NIBAN3: variants seen among roughly 807,000 people sequenced by gnomAD.
The protein encoded by NIBAN3 is niban apoptosis regulator 3, also known as protein Niban 3.
A neutral mutation model predicts 76.4 loss-of-function variants in NIBAN3; 66 were observed. The ratio of observed to expected loss-of-function variants is 0.86; its 90% CI spans 0.71 to 1.06. NIBAN3 has a LOEUF of 1.06. Among genes scored for constraint, NIBAN3 ranks in the 50% least tolerant of loss-of-function variants. The pLI is 0.00. For missense variants in NIBAN3, 808 were observed against 810.7 expected (o/e 1.00, Z 0.04); for synonymous variants, 360 against 355.2 (o/e 1.01, Z -0.15).
rs146817680 is a variant in NIBAN3, at chr19:17,532,518, C to T, written c.312+130C>T. On this transcript the variant is annotated intron_variant, in intron 3 of 14. Coordinates refer to ENST00000599164, the MANE Select transcript of NIBAN3 (RefSeq NM_001321827.2). ...CAATCACCCAGGATGAATCTTGTGC[C>T]CCTATGTGTTTGGCCTGTTGTAGGC... 6,979 of 1,455,028 alleles carry T rather than the reference C, an allele frequency of 4.8e-3. 28 individuals are homozygous for T. Among genetic ancestry groups the T allele is most frequent in the Admixed American group, 6.4e-3 (373 of 58,620 alleles). The allele number at this position is 1,455,028 out of a possible 1,614,324, so 90.1% of individuals were successfully genotyped here. A position where few individuals can be genotyped will look rare whatever the true frequency, so the allele number is the denominator to read the frequency against.
chr19:17,539,062 A>T (rs1180224140), intron 5 of NIBAN3, 88 bp from the exon 6 acceptor site: 1 of 1,145,408 alleles, frequency 8.7e-7, no homozygotes, highest in East Asian at 2.6e-5. Context: ...GGTGTTGGGG[A>T]CCTGGCCAGG....
intron 14 of NIBAN3, chr19:17,549,909 C>T (rs2076127607): frequency 2.5e-6 from 1 of 399,670 alleles, no homozygotes; most frequent in Non-Finnish European, 4.4e-6. Context: ...CTCCTCCTCC[C>T]AGGTTCAAGT....
At chr19:17,527,236 C>A, upstream of NIBAN3, 1 of 1,549,066 alleles carries the variant, frequency 6.5e-7, no homozygotes, top group Non-Finnish European at 8.7e-7. Context: ...GCCTCTGAAC[C>A]CACTGTGACC....
upstream of NIBAN3, chr19:17,523,590 CCCCACA>C: frequency 1.5e-6 from 1 of 688,938 alleles, no homozygotes; most frequent in Non-Finnish European, 2.5e-6. Context: ...AGCACAGGGA[CCCCACA>C]TGGATGGTTG....
At chr19:17,548,288 G>T (rs972311263) in intron 13 of NIBAN3, among the ~76,000 whole-genome samples, 1 of 152,172 alleles carries the variant, frequency 6.6e-6, no homozygotes, top group Non-Finnish European at 1.5e-5. Context: ...TGGAAGATGC[G>T]CAAGGCCTTG....
chr19:17,547,982 T>C (rs2076091121), intron 13 of NIBAN3, among the ~76,000 whole-genome samples: 2 of 152,212 alleles, frequency 1.3e-5, no homozygotes, highest in African/African-American at 2.4e-5. Flanking sequence ...AAACTACGGA[T>C]AGACATTTAA....
At chr19:17,525,477 G>C (rs1208112728), upstream of NIBAN3, among the ~76,000 whole-genome samples, 1 of 152,232 alleles carries the variant, frequency 6.6e-6, no homozygotes, top group Non-Finnish European at 1.5e-5. Context: ...CAGGTCAAAT[G>C]CTGGGACATA....
rs905932603 is a variant in NIBAN3, at chr19:17,546,447, C to T, written c.1555-239C>T. 1.6e-4 allele frequency: 93 copies of T among 580,842 alleles called. No homozygotes were observed. In the African/African-American group the frequency reaches 1.8e-3, roughly 11 times the overall value. 36.0% of individuals were successfully genotyped at this position (580,842 alleles called of 1,614,324 possible). A position where few individuals can be genotyped will look rare whatever the true frequency, so the allele number is the denominator to read the frequency against. ...GGTCAGGCTGGTCTTGAACTCCTGA[C>T]CTCATGATCCGCCCACCTCAGCCAA... On this transcript the variant is annotated intron_variant, in intron 12 of 14. Transcript: ENST00000599164.
At chr19:17,551,052 C>T (rs1668868183) in intron 14 of NIBAN3, among the ~76,000 whole-genome samples, 1 of 151,644 alleles carries the variant, frequency 6.6e-6, no homozygotes, top group Non-Finnish European at 1.5e-5. Flanking sequence ...ATCCTTCACC[C>T]TTTCATCTTT....
chr19:17,554,581 A>C (rs1273068272), downstream of NIBAN3, among the ~76,000 whole-genome samples: 1 of 151,684 alleles, frequency 6.6e-6, no homozygotes, highest in Non-Finnish European at 1.5e-5. Flanking sequence ...CAGGAGTTCG[A>C]GACCAGCCTG....
At chr19:17,546,603 CA>C in intron 12 of NIBAN3, 82 bp from the exon 13 acceptor site, 1 of 1,366,566 alleles carries the variant, frequency 7.3e-7, no homozygotes, top group Non-Finnish European at 9.4e-7. Context: ...TAATCAGGCC[CA>C]GGGCTAGGGC....
At chr19:17,543,813 A>G (rs2076000673) in intron 12 of NIBAN3, 182 bp downstream of exon 12, 4 of 496,448 alleles carry the variant, frequency 8.1e-6, no homozygotes. Flanking sequence ...TAACATAGTG[A>G]AACCCTGTCT....
rs753019131 is a variant in NIBAN3, at chr19:17,553,370, TC to T, written c.*1474del. 6.2e-7 allele frequency: 1 copy of T among 1,614,190 alleles called. No homozygotes were observed. Among genetic ancestry groups the T allele is most frequent in the Non-Finnish European group, 8.5e-7 (1 of 1,180,044 alleles). ...GCTGGGAGACAAGCTTTTACCGACT[TC>T]CTCTGCTTGCCAGCAAAGTCATCTG... On this transcript the variant is annotated 3_prime_UTR_variant, in exon 15 of 15. Transcript: ENST00000599164.
In NIBAN3 at chr19:17,551,886, A is replaced by G; in HGVS notation, c.1851A>G (p.Thr617=). 1.3e-6 allele frequency: 1 copy of G among 778,240 alleles called. No individual in the cohort carries two copies. Among genetic ancestry groups the G allele is most frequent in the Non-Finnish European group, 2.4e-6 (1 of 415,868 alleles). The allele number at this position is 778,240 out of a possible 1,614,324, so 48.2% of individuals were successfully genotyped here. Residue 617 remains threonine, a synonymous_variant, in exon 15 of 15, where the codon ACA becomes ACG. Coordinates refer to ENST00000599164, the MANE Select transcript of NIBAN3 (RefSeq NM_001321827.2). ...TCTGCCCACCGCCTTCTCCAGGAAC[A>G]TTCCGGAGCTGAATCTTCACCCACA... ...QPLCPPPSPG[T]FRS is the part of the protein sequence containing the mutation.
upstream of NIBAN3, among the ~76,000 whole-genome samples, chr19:17,526,005 G>T (rs2075602648): frequency 6.6e-6 from 1 of 152,052 alleles, no homozygotes; most frequent in Non-Finnish European, 1.5e-5. Flanking sequence ...AGTGAGCCAA[G>T]ATCATGCCAC....
intron 8 of NIBAN3, chr19:17,540,056 CG>C: frequency 4.3e-6 from 1 of 234,320 alleles, no homozygotes; most frequent in Non-Finnish European, 7.6e-6. Flanking sequence ...GGGGCCTCAG[CG>C]GGGGATAGGC....
At chr19:17,548,757 C>A (rs901939776) in intron 13 of NIBAN3, among the ~76,000 whole-genome samples, 36 of 152,042 alleles carry the variant, frequency 2.4e-4, no homozygotes, top group African/African-American at 8.5e-4. Flanking sequence ...GAAACCCCGT[C>A]TCTACTAAAA....
intron 9 of NIBAN3, among the ~76,000 whole-genome samples, chr19:17,541,828 T>C (rs1416680740): frequency 6.6e-6 from 1 of 151,888 alleles, no homozygotes; most frequent in African/African-American, 2.4e-5. Context: ...GGAGTACAGG[T>C]GTGTGCCACT....
rs972589356 is a variant in NIBAN3 at position 17,542,688 on chromosome 19, T to C, written c.1329+394T>C. The stretch of plus-strand genomic sequence containing the variant: ...TAGGCCGGCGACATGGACGGGCAGA[T>C]CGCGCAGTGCCTTGAGCGTGGGGCT... On this transcript the variant is annotated intron_variant, in intron 10 of 14. Transcript: ENST00000599164. The surrounding 1 kb of genome is among the most constrained non-coding windows in gnomAD (Gnocchi z 4.8). Among the ~76,000 whole-genome samples, 13 of 152,138 alleles carry C rather than the reference T, an allele frequency of 8.5e-5. No individual in the cohort carries two copies. Among genetic ancestry groups the C allele is most frequent in the Admixed American group, 3.3e-4 (5 of 15,266 alleles).
Sources: gnomAD v4.1 joint callset for allele counts (sites outside exome capture counted in the v4.1 genomes callset) on GRCh38, gnomAD v4.1.1 for gene constraint, Gnocchi (gnomAD v3.1) non-coding constraint, MANE v1.5 for transcripts, NCBI Gene and HGNC (gene_info 2026-07-23, HGNC 2026-07-21) for gene names.